HS6ST3: variants seen among roughly 807,000 people sequenced by gnomAD.
HS6ST3 encodes heparan sulfate 6-O-sulfotransferase 3.
Under a neutral mutation model 36.7 loss-of-function variants are expected in HS6ST3, and 12 were observed. That is an observed-to-expected ratio of 0.33 (90% CI 0.21 to 0.53). The LOEUF is 0.53. Ranked by LOEUF, HS6ST3 falls within the 20% of genes least tolerant of loss-of-function variation. HS6ST3 has a pLI of 0.95. For synonymous variants in HS6ST3, 240 were observed against 257.5 expected, an observed-to-expected ratio of 0.93 and a Z score of 0.65; for missense variants, 584 against 640.9, an observed-to-expected ratio of 0.91 and a Z score of 0.96.
chr13:96,181,875 G>A (rs1210772008), intron 1 of HS6ST3, among the ~76,000 whole-genome samples: 3 of 152,078 alleles, frequency 2.0e-5, no homozygotes, highest in African/African-American at 7.2e-5. Flanking sequence ...TCCCCCCACT[G>A]CAGGATATTG....
chr13:96,397,346 A>G (rs2035301024), intron 1 of HS6ST3, among the ~76,000 whole-genome samples: 1 of 152,258 alleles, frequency 6.6e-6, no homozygotes, highest in African/African-American at 2.4e-5. Flanking sequence ...TTACTATATT[A>G]TTAAATATTT....
At chr13:96,091,689 G>T in intron 1 of HS6ST3, 120 bp downstream of exon 1, 1 of 1,358,688 alleles carries the variant, frequency 7.4e-7, no homozygotes, top group Admixed American at 2.6e-5. Context: ...CGTCTTCAGC[G>T]GTTGGCGCCG....
At chr13:96,398,142 T>C (rs1925127) in intron 1 of HS6ST3, among the ~76,000 whole-genome samples, 77,056 of 151,958 alleles carry the variant, frequency 0.51, 19,877 homozygotes, top group Middle Eastern at 0.59. Context: ...AATATAATAA[T>C]GTGTGCAAAG....
At chr13:96,383,017 C>T (rs1205516943) in intron 1 of HS6ST3, among the ~76,000 whole-genome samples, 1 of 152,116 alleles carries the variant, frequency 6.6e-6, no homozygotes, top group East Asian at 1.9e-4. Context: ...AATCTACAGA[C>T]TAGGTATGAA....
At chr13:96,271,109 C>A (rs940053598) in intron 1 of HS6ST3, among the ~76,000 whole-genome samples, 2 of 151,710 alleles carry the variant, frequency 1.3e-5, no homozygotes, top group Non-Finnish European at 2.9e-5. Flanking sequence ...AAGAAAAGTG[C>A]CCTGGTGTAT....
In HS6ST3 at chr13:96,832,639, C is replaced by T; in HGVS notation, c.857C>T (p.Pro286Leu). 6.2e-7 allele frequency: 1 copy of T among 1,614,124 alleles called. No individual in the cohort carries two copies. Residue 286 changes from proline to leucine, a missense_variant, in exon 2 of 2, where the codon CCT (proline) becomes CTT (leucine). Pro to Leu is a moderately conservative substitution (Grantham distance 98). Around this residue, in one of 3 missense-constraint regions of HS6ST3, gnomAD observed 360 missense variants for 411.3 expected, o/e 0.88. Transcript: ENST00000376705. ...CCAGATGAGCTGCCTACCTGCTACC[C>T]TGGGGATGACTGGTCTGGGGTCAGC... is the stretch of plus-strand genomic sequence containing the variant. ...PTPDELPTCY[P>L]GDDWSGVSLR... is the part of the protein sequence containing the mutation.
intron 1 of HS6ST3, among the ~76,000 whole-genome samples, chr13:96,451,737 AT>A (rs1188822931): frequency 2.0e-5 from 3 of 152,198 alleles, no homozygotes; most frequent in African/African-American, 7.2e-5. Context: ...GCAAATTAAC[AT>A]TATAGATATG....
intron 1 of HS6ST3, among the ~76,000 whole-genome samples, chr13:96,646,663 C>T (rs1260362283): frequency 6.6e-6 from 1 of 151,920 alleles, no homozygotes; most frequent in East Asian, 1.9e-4. Flanking sequence ...TAATTTGAGA[C>T]TTTCTCATCC....
intron 1 of HS6ST3, among the ~76,000 whole-genome samples, chr13:96,151,684 T>G (rs776687937): frequency 6.6e-6 from 1 of 152,210 alleles, no homozygotes; most frequent in African/African-American, 2.4e-5. Flanking sequence ...TAAACCAAGG[T>G]GTCGGCAGGG....
intron 1 of HS6ST3, among the ~76,000 whole-genome samples, chr13:96,710,529 A>T (rs1203633138): frequency 6.6e-6 from 1 of 152,290 alleles, no homozygotes; most frequent in African/African-American, 2.4e-5. Flanking sequence ...AAGTAAATAC[A>T]CATGATAGGC....
chr13:96,791,474 C>G (rs779904200), intron 1 of HS6ST3, among the ~76,000 whole-genome samples: 16 of 151,914 alleles, frequency 1.1e-4, no homozygotes, highest in Admixed American at 7.2e-4. Context: ...TCAGAATCCT[C>G]CTAAACACAG....
chr13:96,615,258 C>T (rs551698871), intron 1 of HS6ST3, among the ~76,000 whole-genome samples: 1 of 152,262 alleles, frequency 6.6e-6, no homozygotes, highest in African/African-American at 2.4e-5. Context: ...TTGACTGACC[C>T]TAGCAATAGT....
intron 1 of HS6ST3, among the ~76,000 whole-genome samples, chr13:96,465,187 G>A (rs1438181260): frequency 1.3e-5 from 2 of 152,060 alleles, no homozygotes; most frequent in African/African-American, 4.8e-5. Flanking sequence ...AAACACTTTG[G>A]TATCACTTAA....
chr13:96,794,741 A>G (rs767010176), intron 1 of HS6ST3, among the ~76,000 whole-genome samples: 3 of 152,070 alleles, frequency 2.0e-5, no homozygotes, highest in Non-Finnish European at 2.9e-5. Flanking sequence ...CTCTGAAAAA[A>G]TAAACCAGGA....
intron 1 of HS6ST3, among the ~76,000 whole-genome samples, chr13:96,410,588 G>T (rs1186842995): frequency 2.6e-5 from 4 of 151,954 alleles, no homozygotes; most frequent in Non-Finnish European, 1.5e-5. Context: ...AAAAGTAAAT[G>T]TCTATAATAG....
At chr13:96,449,563 A>C (rs1424002994) in intron 1 of HS6ST3, among the ~76,000 whole-genome samples, 2 of 152,212 alleles carry the variant, frequency 1.3e-5, no homozygotes, top group Non-Finnish European at 2.9e-5. Flanking sequence ...GGGTAGGCCC[A>C]TGTTAAATCT....
intron 1 of HS6ST3, among the ~76,000 whole-genome samples, chr13:96,808,212 G>A (rs1878241729): frequency 6.6e-6 from 1 of 152,198 alleles, no homozygotes; most frequent in South Asian, 2.1e-4. Context: ...ATATGAAAAA[G>A]TACTTTTGTC....
rs576481532 is a variant in HS6ST3 at position 96,234,346 on chromosome 13, G to A, written c.707+142777G>A. On this transcript the variant is annotated intron_variant, in intron 1 of 1. Coordinates refer to ENST00000376705, the MANE Select transcript of HS6ST3 (RefSeq NM_153456.4). ...AATCGTTTGAACCCAGGAGACGGAGGCTGCAGTGAGCCTAGATCTAGCCTG... is the reference window on the plus strand; with the variant it reads ...AATCGTTTGAACCCAGGAGACGGAGACTGCAGTGAGCCTAGATCTAGCCTG... Among the ~76,000 whole-genome samples, 3 of 152,168 alleles carry A rather than the reference G, an allele frequency of 2.0e-5. No homozygotes were observed. In the South Asian group the frequency reaches 6.2e-4, roughly 32 times the overall value.
At chr13:96,605,330 C>T (rs569486481) in intron 1 of HS6ST3, among the ~76,000 whole-genome samples, 28 of 152,178 alleles carry the variant, frequency 1.8e-4, no homozygotes, top group African/African-American at 2.9e-4. Context: ...CTGAAAATTA[C>T]GACTTACTGC....
Sources: allele counts gnomAD v4.1 joint callset (sites outside exome capture counted in the v4.1 genomes callset), GRCh38; gene constraint gnomAD v4.1.1; regional missense constraint gnomAD v4.1.1; transcripts MANE v1.5; gene names NCBI Gene and HGNC (gene_info 2026-07-23, HGNC 2026-07-21).